The following KLHL8 variants were observed in gnomAD, a reference collection of about 807,000 sequenced individuals.
KLHL8 encodes the protein kelch-like protein 8.
KLHL8 carries 38 observed loss-of-function variants against 63.5 expected under a neutral mutation model. The observed-to-expected ratio is 0.60, with a 90% CI of 0.46 to 0.78. The LOEUF is 0.78. Ranked by LOEUF, KLHL8 falls within the 30% of genes least tolerant of loss-of-function variation. The pLI, the probability that KLHL8 is intolerant of heterozygous loss-of-function variation, is 0.00. For missense variants in KLHL8, 566 were observed against 752.4 expected (o/e 0.75, Z 2.90); for synonymous variants, 224 against 254.3 (o/e 0.88, Z 1.13).
intron 4 of KLHL8, among the ~76,000 whole-genome samples, chr4:87,181,184 T>G (rs1731037808): frequency 6.6e-6 from 1 of 151,604 alleles, no homozygotes; most frequent in Non-Finnish European, 1.5e-5. Context: ...TCCAGCACTT[T>G]GGGAGGTTGA....
At chr4:87,222,371 T>C (rs12509445), upstream of KLHL8, among the ~76,000 whole-genome samples, 38,452 of 151,920 alleles carry the variant, frequency 0.25, 5,396 homozygotes, top group Non-Finnish European at 0.31. Flanking sequence ...GAAGAGTATA[T>C]AAACGTCTCT....
At chr4:87,207,474 G>T in intron 1 of KLHL8, 1 of 757,862 alleles carries the variant, frequency 1.3e-6, no homozygotes, top group South Asian at 1.4e-5. Context: ...ACGCCCCCAT[G>T]TTAGTGATGG....
intron 1 of KLHL8, chr4:87,207,969 C>A: frequency 1.3e-6 from 1 of 790,890 alleles, no homozygotes; most frequent in Non-Finnish European, 2.2e-6. Context: ...CTTCCACCTT[C>A]AATGTTAGGG....
At chr4:87,170,058 G>A in intron 8 of KLHL8, 21 bp downstream of exon 8, 1 of 1,595,378 alleles carries the variant, frequency 6.3e-7, no homozygotes, top group African/African-American at 1.3e-5. Flanking sequence ...TGATATATTA[G>A]AGAAATACCC....
chr4:87,172,761 A>C (rs1233024084), intron 6 of KLHL8, among the ~76,000 whole-genome samples: 1 of 152,154 alleles, frequency 6.6e-6, no homozygotes, highest in Non-Finnish European at 1.5e-5. Flanking sequence ...ATTTCTTTAC[A>C]TCAAGGGATG....
At chr4:87,229,701 G>C (rs1006069636) in intron 1 of KLHL8, among the ~76,000 whole-genome samples, 20 of 151,366 alleles carry the variant, frequency 1.3e-4, no homozygotes, top group Non-Finnish European at 2.4e-4. Flanking sequence ...AAAAGTGTTG[G>C]AATTACAAGC....
chr4:87,166,000 A>G (rs1406786359), intron 8 of KLHL8, among the ~76,000 whole-genome samples: 1 of 152,222 alleles, frequency 6.6e-6, no homozygotes, highest in Non-Finnish European at 1.5e-5. Flanking sequence ...TAACAGCAAC[A>G]ATGTTATTCC....
intron 1 of KLHL8, among the ~76,000 whole-genome samples, chr4:87,216,948 C>T (rs1732619686): frequency 6.6e-6 from 1 of 152,164 alleles, no homozygotes; most frequent in South Asian, 2.1e-4. Context: ...TATCCCCCTT[C>T]CACAGCTAAG....
intron 1 of KLHL8, among the ~76,000 whole-genome samples, chr4:87,215,479 T>C (rs1003638619): frequency 6.6e-5 from 10 of 152,108 alleles, no homozygotes; most frequent in Non-Finnish European, 1.5e-4. Context: ...TAAATGAAAA[T>C]ATTAATATCA....
At chr4:87,200,138 C>CAAAAAAAAAAAAAAAA (rs61605160) in intron 1 of KLHL8, among the ~76,000 whole-genome samples, 2 of 73,706 alleles carry the variant, frequency 2.7e-5, no homozygotes, top group African/African-American at 5.6e-5. Context: ...GAGACTGCCT[C>CAAAAAAAAAAAAAAAA]AAAAAAAAAA....
At chr4:87,229,926 G>A (rs1043211199) in intron 1 of KLHL8, among the ~76,000 whole-genome samples, 3 of 151,886 alleles carry the variant, frequency 2.0e-5, no homozygotes, top group South Asian at 2.1e-4. Flanking sequence ...AAGAATATTC[G>A]TTTTACCTCC....
At chr4:87,204,350 T>C (rs549071213) in intron 1 of KLHL8, among the ~76,000 whole-genome samples, 40 of 151,822 alleles carry the variant, frequency 2.6e-4, no homozygotes, top group Non-Finnish European at 5.1e-4. Flanking sequence ...TTTCATATAC[T>C]GCTGGTGGCA....
chr4:87,237,822 G>C (rs544492454), intron 1 of KLHL8, among the ~76,000 whole-genome samples: 1 of 152,136 alleles, frequency 6.6e-6, no homozygotes, highest in Non-Finnish European at 1.5e-5. Context: ...GTGAGACCCT[G>C]TCCCTAATAA....
Position 87,185,233 on chromosome 4 carries a change from T to C in KLHL8, c.765+18A>G. ...CATATCACTTCATTTCTGTGTGAAATCTTATTTCAGCTCCTACCTGTGCAA... is the reference window on the plus strand; with the variant it reads ...CATATCACTTCATTTCTGTGTGAAACCTTATTTCAGCTCCTACCTGTGCAA... On this transcript the variant is annotated intron_variant, in intron 3 of 9. Transcript: ENST00000273963. The C allele has an allele frequency of 1.3e-6, 2 of 1,581,582 alleles. No individual in the cohort carries two copies. The highest frequency in any genetic ancestry group is 1.7e-6 in the Non-Finnish European group (2 of 1,162,212).
intron 3 of KLHL8, among the ~76,000 whole-genome samples, chr4:87,184,658 GGAA>G (rs1731182639): frequency 1.3e-5 from 2 of 151,966 alleles, no homozygotes; most frequent in South Asian, 2.1e-4. Flanking sequence ...AGAAAGGAGA[GGAA>G]GACGACAAAA....
chr4:87,165,118 C>A (rs1730342908), intron 8 of KLHL8, among the ~76,000 whole-genome samples: 1 of 142,288 alleles, frequency 7.0e-6, no homozygotes, highest in Non-Finnish European at 1.5e-5. Context: ...CCACTGCACT[C>A]CAGCCTGGGC....
At chr4:87,197,183 T>C (rs1355020350) in intron 1 of KLHL8, among the ~76,000 whole-genome samples, 1 of 152,128 alleles carries the variant, frequency 6.6e-6, no homozygotes, top group African/African-American at 2.4e-5. Context: ...TCCCCTTGCA[T>C]GCAGGAAGAA....
intron 1 of KLHL8, among the ~76,000 whole-genome samples, chr4:87,234,359 A>C (rs966409074): frequency 1.3e-5 from 2 of 152,012 alleles, no homozygotes; most frequent in African/African-American, 2.4e-5. Flanking sequence ...GAATTGCTTG[A>C]ACCTGGGAGG....
intron 2 of KLHL8, among the ~76,000 whole-genome samples, chr4:87,193,587 TAAG>T (rs1293339406): frequency 4.6e-5 from 7 of 152,196 alleles, no homozygotes; most frequent in African/African-American, 9.6e-5. Context: ...ACAAAAACAA[TAAG>T]AAGTAGAGTA....
Sources: gnomAD v4.1 joint callset for allele counts (sites outside exome capture counted in the v4.1 genomes callset) on GRCh38, gnomAD v4.1.1 for gene constraint, MANE v1.5 for transcripts, NCBI Gene and HGNC (gene_info 2026-07-23, HGNC 2026-07-21) for gene names.